The following RIC3 variants were observed in gnomAD, a reference collection of about 807,000 sequenced individuals.
RIC3 encodes protein RIC-3.
RIC3 carries 28 observed loss-of-function variants against 27.3 expected under a neutral mutation model. The ratio of observed to expected loss-of-function variants is 1.02; its 90% CI spans 0.76 to 1.41. The LOEUF is 1.41. Among genes scored for constraint, RIC3 ranks in the 40% most tolerant of loss-of-function variants. The pLI is 0.00. For synonymous variants in RIC3, 184 were observed against 160.4 expected (o/e 1.15, Z -1.11); for missense variants, 501 against 444.7 (o/e 1.13, Z -1.14).
chr11:8,132,432 G>T (rs11041758), intron 4 of RIC3, among the ~76,000 whole-genome samples: 5,348 of 152,192 alleles, frequency 0.035, 116 homozygotes, highest in Middle Eastern at 0.078. Context: ...GACCAAAATC[G>T]TAAGGACAGA....
At chr11:8,152,759 T>C (rs2134139914) in intron 1 of RIC3, among the ~76,000 whole-genome samples, 1 of 152,288 alleles carries the variant, frequency 6.6e-6, no homozygotes, top group East Asian at 1.9e-4. Context: ...ATAAAGCTTT[T>C]TTTTTTTAAA....
chr11:8,138,435 G>C (rs1590225473), intron 2 of RIC3, 88 bp from the exon 3 acceptor site: 3 of 769,054 alleles, frequency 3.9e-6, no homozygotes, highest in African/African-American at 1.8e-5. Context: ...AAAAAGGTTG[G>C]GAAACAAAAA....
chr11:8,094,733 G>A, the RIC3 span, among the ~76,000 whole-genome samples: 3 of 152,220 alleles, frequency 2.0e-5, no homozygotes, highest in Non-Finnish European at 2.9e-5. Flanking sequence ...AGTGATTGGC[G>A]GTACCTGCCC....
chr11:8,153,801 TC>T (rs1950444648), intron 1 of RIC3, among the ~76,000 whole-genome samples: 1 of 152,192 alleles, frequency 6.6e-6, no homozygotes, highest in African/African-American at 2.4e-5. Context: ...AAAAATGAAC[TC>T]ATTTTCACCT....
intron 1 of RIC3, chr11:8,153,302 A>G: frequency 5.5e-6 from 2 of 366,780 alleles, no homozygotes; most frequent in Admixed American, 7.8e-5. Flanking sequence ...AGAATGACAA[A>G]TAGAACAGAA....
At position 8,110,914 on chromosome 11, in the gene RIC3, T is replaced by A. The variant is rs1316820932; in HGVS notation, c.894A>T (p.Pro298=). 1 of 1,614,246 alleles carries A rather than the reference T, an allele frequency of 6.2e-7. No individual in the cohort carries two copies. Among genetic ancestry groups the A allele is most frequent in the East Asian group, 2.2e-5 (1 of 44,890 alleles). The change falls in exon 6 of 6, where the codon CCA becomes CCT. Residue 298 remains proline (P), a synonymous_variant. Coordinates refer to ENST00000309737, the MANE Select transcript of RIC3 (RefSeq NM_001206671.4). ...QEDNSVTSCD[P]KPETCSCCFH... ...AACAGCAGGAACATGTTTCTGGCTT[T>A]GGATCACACGAGGTAACAGAATTAT...
At chr11:8,137,749 G>C (rs955093518) in intron 3 of RIC3, among the ~76,000 whole-genome samples, 7 of 144,628 alleles carry the variant, frequency 4.8e-5, no homozygotes, top group African/African-American at 1.5e-4. Context: ...CTTTTGCCAA[G>C]TCTCTTACTT....
At chr11:8,153,381 C>T (rs746551599) in intron 1 of RIC3, 13 of 449,686 alleles carry the variant, frequency 2.9e-5, no homozygotes, top group Non-Finnish European at 5.3e-5. Context: ...CTACCTTAAC[C>T]GTCAAATCCA....
intron 1 of RIC3, among the ~76,000 whole-genome samples, chr11:8,159,285 T>A (rs1950967478): frequency 6.6e-6 from 1 of 152,150 alleles, no homozygotes. Context: ...AGTGGGAACA[T>A]GCTTGGCATA....
At chr11:8,095,769 G>C in the RIC3 span, 2 of 1,250,174 alleles carry the variant, frequency 1.6e-6, no homozygotes, top group African/African-American at 3.0e-5. Flanking sequence ...ACCCCTCCCT[G>C]GCAATGGTGG....
At chr11:8,151,459 G>A (rs1950214905) in intron 1 of RIC3, among the ~76,000 whole-genome samples, 1 of 150,228 alleles carries the variant, frequency 6.7e-6, no homozygotes, top group South Asian at 2.1e-4. Flanking sequence ...GGTGGCGCGT[G>A]CCTGTAGTCC....
intron 1 of RIC3, among the ~76,000 whole-genome samples, chr11:8,158,332 T>C (rs1233615433): frequency 6.6e-6 from 1 of 152,128 alleles, no homozygotes; most frequent in Non-Finnish European, 1.5e-5. Context: ...ACCCTATTTA[T>C]AAGCATTCAG....
At chr11:8,166,019 G>A (rs1050585616) in intron 1 of RIC3, among the ~76,000 whole-genome samples, 4 of 152,078 alleles carry the variant, frequency 2.6e-5, no homozygotes, top group South Asian at 2.1e-4. Flanking sequence ...GAACTCCCAG[G>A]CTCAAGCAAT....
intron 4 of RIC3, among the ~76,000 whole-genome samples, chr11:8,131,383 T>A (rs1230601210): frequency 1.3e-5 from 2 of 152,172 alleles, no homozygotes; most frequent in South Asian, 4.1e-4. Context: ...GTGGAGCCAT[T>A]TGCTGAGATG....
chr11:8,146,622 C>T (rs1462328696), intron 1 of RIC3, among the ~76,000 whole-genome samples: 3 of 152,052 alleles, frequency 2.0e-5, no homozygotes, highest in African/African-American at 7.2e-5. Flanking sequence ...GAACACGTAC[C>T]CAAGGCGGTT....
intron 2 of RIC3, chr11:8,138,865 T>C: frequency 4.8e-6 from 1 of 206,516 alleles, no homozygotes; most frequent in Non-Finnish European, 9.4e-6. Flanking sequence ...CTTTGCCTCT[T>C]TTAAAAAGTT....
At chr11:8,142,494 G>C (rs1949191291) in intron 1 of RIC3, among the ~76,000 whole-genome samples, 2 of 149,832 alleles carry the variant, frequency 1.3e-5, no homozygotes, top group East Asian at 2.0e-4. Flanking sequence ...TTGAATCTCT[G>C]AATAGACCAG....
the RIC3 span, chr11:8,093,933 T>G: frequency 7.9e-7 from 1 of 1,267,302 alleles, no homozygotes. Flanking sequence ...GGGGCCCTGG[T>G]GGGACTCGGG....
At chr11:8,137,717 A>G (rs1948587545) in intron 3 of RIC3, among the ~76,000 whole-genome samples, 1 of 149,814 alleles carries the variant, frequency 6.7e-6, no homozygotes, top group African/African-American at 2.5e-5. Flanking sequence ...TACAGCCCAG[A>G]TAAACATGAT....
Sources: gnomAD v4.1 joint callset for allele counts (sites outside exome capture counted in the v4.1 genomes callset) on GRCh38, gnomAD v4.1.1 for gene constraint, MANE v1.5 for transcripts, NCBI Gene and HGNC (gene_info 2026-07-23, HGNC 2026-07-21) for gene names.